The following SUPT20H variants were observed in gnomAD, a reference collection of about 807,000 sequenced individuals.
SUPT20H encodes the protein SPT20 homolog, SAGA complex component.
A neutral mutation model predicts 122.8 loss-of-function variants in SUPT20H; 82 were observed. The ratio of observed to expected loss-of-function variants is 0.67; its 90% confidence interval spans 0.56 to 0.80. SUPT20H has a LOEUF of 0.80. Ranked by LOEUF, SUPT20H falls within the 30% of genes least tolerant of loss-of-function variation. The pLI is 0.00. For synonymous variants in SUPT20H, 291 were observed against 313.0 expected, an observed-to-expected ratio of 0.93 and a Z score of 0.74; for missense variants, 831 against 921.6, an observed-to-expected ratio of 0.90 and a Z score of 1.27.
chr13:37,017,912 A>T (rs1437523546), intron 22 of SUPT20H, among the ~76,000 whole-genome samples: 2 of 152,200 alleles, frequency 1.3e-5, no homozygotes, highest in African/African-American at 4.8e-5. Flanking sequence ...ATTTGAATTT[A>T]ATCCAAATTA....
At chr13:37,034,502 C>T (rs1008232538) in intron 9 of SUPT20H, among the ~76,000 whole-genome samples, 5 of 152,098 alleles carry the variant, frequency 3.3e-5, no homozygotes, top group African/African-American at 4.8e-5. Flanking sequence ...ATGTGAGAGA[C>T]GTGAGGAAGC....
chr13:37,018,319 A>T (rs114239743), intron 22 of SUPT20H, among the ~76,000 whole-genome samples: 1 of 152,230 alleles, frequency 6.6e-6, no homozygotes, highest in African/African-American at 2.4e-5. Flanking sequence ...AAATTTCAAA[A>T]GCAATATGCC....
chr13:37,033,515 G>C lies in SUPT20H; in HGVS notation c.641C>G (p.Ala214Gly). Residue 214 changes from alanine (A) to glycine (G), a missense_variant, in exon 10 of 26, where the codon GCA (alanine) becomes GGA (glycine). Physicochemically the swap from Ala to Gly is moderately conservative, Grantham distance 60 (BLOSUM62 0). Coordinates refer to ENST00000350612, the MANE Select transcript of SUPT20H (RefSeq NM_001014286.3). ...AEPLCLDPSI[A>G]VTCTANRLLY... ...CAGTCTGTTTGCAGTGCAGGTGACTGCTATAGAAGGATCAAGACAGAGTGG... is the reference window on the plus strand; with the variant it reads ...CAGTCTGTTTGCAGTGCAGGTGACTCCTATAGAAGGATCAAGACAGAGTGG... 6.2e-7 allele frequency: 1 copy of C among 1,613,774 alleles called. No individual in the cohort carries two copies. The highest frequency in any genetic ancestry group is 8.5e-7 in the Non-Finnish European group (1 of 1,179,824).
chr13:37,022,472 TGA>T lies in SUPT20H; in HGVS notation c.1592-394_1592-393del. 1 of 1,287,186 alleles carries T rather than the reference TGA, an allele frequency of 7.8e-7. No individual in the cohort carries two copies. The highest frequency in any genetic ancestry group is 1.5e-5 in the African/African-American group (1 of 65,790). 79.7% of individuals were successfully genotyped at this position (1,287,186 alleles called of 1,614,324 possible). On this transcript the variant is annotated intron_variant, in intron 19 of 25. Transcript: ENST00000350612. The surrounding 1 kb of genome is among the most constrained non-coding windows in gnomAD (Gnocchi z 4.5). ...AGTGTTAATTTCTACACATGATACA[TGA>T]GTGTTGCTACACTCAATTACAATTA...
At chr13:37,046,793 T>C (rs1386799499) in intron 5 of SUPT20H, 1 of 152,296 alleles carries the variant, frequency 6.6e-6, no homozygotes, top group East Asian at 1.9e-4. Flanking sequence ...CAAGTATGTA[T>C]CAGTAGAACT....
Position 37,012,279 on chromosome 13 carries a change from T to C in SUPT20H, c.2011A>G (p.Thr671Ala), listed in dbSNP as rs140228857. Residue 671 changes from threonine to alanine, a missense_variant, in exon 24 of 26, where the codon ACC becomes GCC. By Grantham distance (58) the Thr-to-Ala change is moderately conservative. Coordinates refer to ENST00000350612, the MANE Select transcript of SUPT20H (RefSeq NM_001014286.3). ...GCAGATAAGGCCTGTTCTTGACTGG[T>C]TGAACCTTGCTCAGAACCCTGAATA... ...PGEQGSEQGS[T>A]SQEQALSAQQ... is the part of the protein sequence containing the mutation. 4.1e-4 allele frequency: 668 copies of C among 1,613,126 alleles called. No homozygotes were observed. Among genetic ancestry groups the C allele is most frequent in the South Asian group, 2.2e-3 (202 of 91,018 alleles).
intron 1 of SUPT20H, 90 bp downstream of exon 1, chr13:37,059,469 G>C (rs886987333): frequency 2.6e-5 from 4 of 152,262 alleles, no homozygotes; most frequent in African/African-American, 9.6e-5. Flanking sequence ...TCTGGGATGC[G>C]GCCCGCTCAC....
chr13:37,030,670 T>C (rs2063136210), intron 12 of SUPT20H, among the ~76,000 whole-genome samples: 1 of 152,152 alleles, frequency 6.6e-6, no homozygotes, highest in African/African-American at 2.4e-5. Context: ...ACCTACAATT[T>C]AACAAGCTCT....
chr13:37,047,328 C>A, intron 5 of SUPT20H: 1 of 402,958 alleles, frequency 2.5e-6, no homozygotes. Context: ...CTCAATATAA[C>A]TGTTCCTTCA....
intron 5 of SUPT20H, chr13:37,047,263 A>G (rs1489158314): frequency 5.1e-6 from 1 of 195,794 alleles, no homozygotes; most frequent in Admixed American, 6.2e-5. Flanking sequence ...AGAAGAAGCA[A>G]AAGATAATAT....
chr13:37,053,064 G>A (rs1251677560), intron 1 of SUPT20H, among the ~76,000 whole-genome samples: 1 of 152,214 alleles, frequency 6.6e-6, no homozygotes, highest in East Asian at 1.9e-4. Flanking sequence ...CTTTTACACT[G>A]TTGGTGGTAG....
chr13:37,021,544 T>C lies in SUPT20H; in HGVS notation c.1720A>G (p.Ile574Val), dbSNP rs1377933085. Residue 574 changes from isoleucine to valine, a missense_variant, in exon 21 of 26, where the codon ATA (isoleucine) becomes GTA (valine). Coordinates refer to ENST00000350612, the MANE Select transcript of SUPT20H (RefSeq NM_001014286.3). ...NPMLGCNTGA[I>V]TPAGINLSGL... ...CTCAGGTTTATTCCTGCAGGAGTTA[T>C]GGCACCAGTGTTACAGCCCAGCATG... The C allele has an allele frequency of 2.5e-6, 4 of 1,613,754 alleles. No individual in the cohort carries two copies. In the South Asian group the frequency reaches 4.4e-5, roughly 18 times the overall value.
At chr13:37,056,245 C>T (rs1365885348) in intron 1 of SUPT20H, among the ~76,000 whole-genome samples, 1 of 152,158 alleles carries the variant, frequency 6.6e-6, no homozygotes, top group Admixed American at 6.5e-5. Flanking sequence ...TACCATTTGA[C>T]CCAGCCATCC....
intron 2 of SUPT20H, among the ~76,000 whole-genome samples, chr13:37,049,152 G>A (rs772241775): frequency 6.6e-6 from 1 of 152,068 alleles, no homozygotes; most frequent in Non-Finnish European, 1.5e-5. Flanking sequence ...TTGAAAGCAT[G>A]CATCATTATT....
intron 2 of SUPT20H, among the ~76,000 whole-genome samples, chr13:37,050,441 C>G (rs1468498041): frequency 6.6e-6 from 1 of 151,896 alleles, no homozygotes; most frequent in African/African-American, 2.4e-5. Context: ...TCCCATTTTC[C>G]CTGATCCCAT....
Position 37,026,197 on chromosome 13 carries a change from T to C in SUPT20H, c.1211+7A>G. The C allele has an allele frequency of 6.4e-7, 1 of 1,559,622 alleles. No individual in the cohort carries two copies. The highest frequency in any genetic ancestry group is 1.2e-5 in the South Asian group (1 of 83,580). ...CTGACCAAAATAAGAGATGCAAATA[T>C]TTTTACCTCTCAGCATCGGTCTTTG... On this transcript the variant is annotated splice_region_variant and intron_variant, in intron 16 of 25. Coordinates refer to ENST00000350612, the MANE Select transcript of SUPT20H (RefSeq NM_001014286.3).
At chr13:37,025,834 T>C in intron 16 of SUPT20H, 1 of 205,196 alleles carries the variant, frequency 4.9e-6, no homozygotes, top group Non-Finnish European at 9.6e-6. Flanking sequence ...CAAAACTATA[T>C]TTTAAACATT....
chr13:37,040,537 T>TA (rs1437478408), intron 8 of SUPT20H, 39 bp downstream of exon 8: 35 of 1,597,366 alleles, frequency 2.2e-5, no homozygotes, highest in Non-Finnish European at 3.0e-5. Context: ...AACTCCCAAC[T>TA]AAAATCTAAA....
At chr13:37,013,160 C>T (rs1050994506) in intron 23 of SUPT20H, 2 of 151,196 alleles carry the variant, frequency 1.3e-5, no homozygotes, top group Non-Finnish European at 2.9e-5. Flanking sequence ...TTAGCTACAA[C>T]AATTTTGAAA....
Sources: allele counts gnomAD v4.1 joint callset (sites outside exome capture counted in the v4.1 genomes callset), GRCh38; gene constraint gnomAD v4.1.1; non-coding constraint Gnocchi (gnomAD v3.1); transcripts MANE v1.5; gene names NCBI Gene and HGNC (gene_info 2026-07-23, HGNC 2026-07-21).